The following GRAMD2B variants were observed in gnomAD, a reference collection of about 807,000 sequenced individuals.
GRAMD2B encodes the protein GRAM domain containing 2B, also known as GRAM domain-containing protein 2B.
A neutral mutation model predicts 59.2 loss-of-function variants in GRAMD2B; 41 were observed. The observed-to-expected ratio is 0.69, with a 90% CI of 0.54 to 0.90. The LOEUF is 0.90. Ranked by LOEUF, GRAMD2B falls within the 40% of genes least tolerant of loss-of-function variation. GRAMD2B has a pLI of 0.00. For synonymous variants in GRAMD2B, 161 were observed against 182.7 expected, an observed-to-expected ratio of 0.88 and a Z score of 0.96; for missense variants, 424 against 500.5, an observed-to-expected ratio of 0.85 and a Z score of 1.46.
intron 6 of GRAMD2B, among the ~76,000 whole-genome samples, chr5:126,478,444 A>C (rs1043091107): frequency 6.8e-6 from 1 of 148,066 alleles, no homozygotes; most frequent in Admixed American, 6.7e-5. Flanking sequence ...TCTCAAAGAA[A>C]AAGAAAAAGG....
intron 1 of GRAMD2B, among the ~76,000 whole-genome samples, chr5:126,383,804 C>G (rs531002473): frequency 2.6e-5 from 4 of 152,062 alleles, no homozygotes; most frequent in Non-Finnish European, 4.4e-5. Flanking sequence ...TCATTTAATT[C>G]CATTTCTTTA....
chr5:126,438,775 T>C (rs1762813325), intron 1 of GRAMD2B, among the ~76,000 whole-genome samples: 1 of 152,178 alleles, frequency 6.6e-6, no homozygotes, highest in African/African-American at 2.4e-5. Flanking sequence ...GCAGAACGAT[T>C]AGCATGATTG....
At chr5:126,470,906 A>G (rs1217522979) in intron 3 of GRAMD2B, among the ~76,000 whole-genome samples, 1 of 152,066 alleles carries the variant, frequency 6.6e-6, no homozygotes, top group Non-Finnish European at 1.5e-5. Flanking sequence ...CTTTTTTGCC[A>G]TTTATTACGT....
At chr5:126,399,613 C>T (rs1364366942) in intron 1 of GRAMD2B, among the ~76,000 whole-genome samples, 1 of 152,140 alleles carries the variant, frequency 6.6e-6, no homozygotes, top group Non-Finnish European at 1.5e-5. Context: ...CATTAAACCT[C>T]TTTTGTTTAT....
At chr5:126,393,099 C>T (rs1251676310) in intron 1 of GRAMD2B, among the ~76,000 whole-genome samples, 1 of 152,116 alleles carries the variant, frequency 6.6e-6, no homozygotes. Flanking sequence ...TCTTAGACAA[C>T]CTACCTTCAC....
At chr5:126,440,690 T>C (rs1056059419) in intron 1 of GRAMD2B, among the ~76,000 whole-genome samples, 2 of 152,108 alleles carry the variant, frequency 1.3e-5, no homozygotes, top group African/African-American at 2.4e-5. Context: ...AGTCTTACAA[T>C]GCATGGAATT....
chr5:126,411,935 G>A (rs763145808), intron 1 of GRAMD2B, among the ~76,000 whole-genome samples: 2 of 151,696 alleles, frequency 1.3e-5, no homozygotes, highest in Non-Finnish European at 2.9e-5. Context: ...GTATAGAAAT[G>A]CTACTGATTT....
At chr5:126,477,025 C>G (rs1242867981) in intron 5 of GRAMD2B, among the ~76,000 whole-genome samples, 1 of 152,164 alleles carries the variant, frequency 6.6e-6, no homozygotes, top group Non-Finnish European at 1.5e-5. Flanking sequence ...ATGCTTGGGA[C>G]CAGAAGTGTT....
At chr5:126,406,391 CTT>C (rs1013317573) in intron 1 of GRAMD2B, among the ~76,000 whole-genome samples, 1 of 151,524 alleles carries the variant, frequency 6.6e-6, no homozygotes. Flanking sequence ...TGAGATTTAA[CTT>C]ATATATATTA....
chr5:126,446,432 AC>A (rs749158973), intron 1 of GRAMD2B, among the ~76,000 whole-genome samples: 3 of 152,040 alleles, frequency 2.0e-5, no homozygotes, highest in Non-Finnish European at 4.4e-5. Flanking sequence ...ATAAGTGGAT[AC>A]CCTTATTTAC....
chr5:126,402,679 AGGCT>A (rs1230632604), intron 1 of GRAMD2B, among the ~76,000 whole-genome samples: 3 of 152,090 alleles, frequency 2.0e-5, no homozygotes, highest in Non-Finnish European at 4.4e-5. Flanking sequence ...ATGTGATGTA[AGGCT>A]ATGAGCAGTA....
chr5:126,396,133 C>T (rs1198296761), intron 1 of GRAMD2B, among the ~76,000 whole-genome samples: 1 of 152,046 alleles, frequency 6.6e-6, no homozygotes, highest in African/African-American at 2.4e-5. Flanking sequence ...ATTTGCATTT[C>T]CTTGATGATT....
At chr5:126,424,274 T>G (rs2149783391) in intron 1 of GRAMD2B, among the ~76,000 whole-genome samples, 1 of 152,326 alleles carries the variant, frequency 6.6e-6, no homozygotes, top group South Asian at 2.1e-4. Context: ...AAAATATTTA[T>G]CTATTTTGCA....
chr5:126,423,996 A>G (rs1447222215), intron 1 of GRAMD2B, among the ~76,000 whole-genome samples: 1 of 152,256 alleles, frequency 6.6e-6, no homozygotes, highest in Non-Finnish European at 1.5e-5. Context: ...AAGTCCCAAC[A>G]CAGCCCTTCG....
chr5:126,453,002 G>C (rs1029311695), intron 1 of GRAMD2B, among the ~76,000 whole-genome samples: 1 of 152,224 alleles, frequency 6.6e-6, no homozygotes. Flanking sequence ...TAATCAAATA[G>C]ATATCCTCTA....
upstream of GRAMD2B, among the ~76,000 whole-genome samples, chr5:126,419,865 G>A (rs368262251): frequency 6.6e-6 from 1 of 151,974 alleles, no homozygotes; most frequent in Non-Finnish European, 1.5e-5. Context: ...GACCAGCCTG[G>A]CCAATATGGT....
intron 1 of GRAMD2B, among the ~76,000 whole-genome samples, chr5:126,428,546 A>G (rs1330007792): frequency 6.6e-6 from 1 of 152,188 alleles, no homozygotes; most frequent in African/African-American, 2.4e-5. Flanking sequence ...TCTGGGCAGT[A>G]CATGAAGTAG....
In GRAMD2B at chr5:126,423,549, G is replaced by C; in HGVS notation, c.-58G>C. The C allele has an allele frequency of 1.3e-6, 2 of 1,579,552 alleles. No individual in the cohort carries two copies. The highest frequency in any genetic ancestry group is 1.7e-6 in the Non-Finnish European group (2 of 1,164,458). The stretch of plus-strand genomic sequence containing the variant: ...CGCACCCGGACCTAGAAGCCGGGAC[G>C]AGCCGGGGCAGAGCCAGGCGCGCGG... On this transcript the variant is annotated 5_prime_UTR_variant, in exon 1 of 14. Transcript: ENST00000285689.
Position 126,391,495 on chromosome 5 carries a change from T to A in GRAMD2B, c.125+19928T>A, listed in dbSNP as rs577078179. ...TAACAATAACACTTGTACATGGATA[T>A]CCACAGCAGTATTATTTATAATAGC... On this transcript the variant is annotated intron_variant, in intron 1 of 8. Coordinates refer to the GRAMD2B transcript ENST00000506445. Among the ~76,000 whole-genome samples the A allele has an allele frequency of 2.6e-4, 39 of 151,990 alleles. No individual in the cohort carries two copies. The South Asian group carries it at 5.0e-3, about 19-fold the overall frequency.
Sources: gnomAD v4.1 joint callset for allele counts (sites outside exome capture counted in the v4.1 genomes callset) on GRCh38, gnomAD v4.1.1 for gene constraint, MANE v1.5 for transcripts, NCBI Gene and HGNC (gene_info 2026-07-23, HGNC 2026-07-21) for gene names.